The following CDC42BPB variants were observed in gnomAD, a reference collection of about 807,000 sequenced individuals.
The protein encoded by CDC42BPB is CDC42 binding protein kinase beta.
CDC42BPB carries 37 observed loss-of-function variants against 214.9 expected under a neutral mutation model. That is an observed-to-expected ratio of 0.17 (90% CI 0.13 to 0.23). The LOEUF (loss-of-function observed/expected upper bound fraction) is 0.23. Among genes scored for constraint, CDC42BPB ranks in the 10% least tolerant of loss-of-function variants. The pLI is 1.00. For synonymous variants in CDC42BPB, 931 were observed against 884.0 expected (o/e 1.05, Z -0.94); for missense variants, 1,694 against 2,227.0 (o/e 0.76, Z 4.82).
At position 102,971,960 on chromosome 14, in the gene CDC42BPB, T is replaced by C. The variant is rs1380140937; in HGVS notation, c.1843A>G (p.Met615Val). The C allele has an allele frequency of 1.2e-6, 2 of 1,614,148 alleles. No individual in the cohort carries two copies. The highest frequency in any genetic ancestry group is 1.7e-6 in the Non-Finnish European group (2 of 1,180,054). The change falls in exon 13 of 37, where the codon ATG becomes GTG. Residue 615 changes from methionine to valine, a missense_variant. By Grantham distance (21) the Met-to-Val change is conservative (BLOSUM62 1). Transcript: ENST00000361246. ...TCAGCTCTCCGCATTTCCTGCCGCATGGCGTCCACCTTCTGCGTGGCCACC... is the reference window on the plus strand; with the variant it reads ...TCAGCTCTCCGCATTTCCTGCCGCACGGCGTCCACCTTCTGCGTGGCCACC... ...MEVATQKVDA[M>V]RQEMRRAEKL... is the part of the protein sequence containing the mutation.
rs551692557 is a variant in CDC42BPB, at chr14:102,944,720, G to A, written c.3812-233C>T. Reference sequence around the variant, plus strand: ...CACAGCGCGCTCCTGGGGCAGCCTCGGGGGCTGGTCCAAAGGCTCCTCTGC... The same window carrying A: ...CACAGCGCGCTCCTGGGGCAGCCTCAGGGGCTGGTCCAAAGGCTCCTCTGC... On this transcript the variant is annotated intron_variant, in intron 29 of 36. Coordinates refer to ENST00000361246, the MANE Select transcript of CDC42BPB (RefSeq NM_006035.4). The surrounding 1 kb of genome is among the most constrained non-coding windows in gnomAD (Gnocchi z 6.6). 273 of 960,476 alleles carry A rather than the reference G, an allele frequency of 2.8e-4. No individual in the cohort carries two copies. In the African/African-American group the frequency reaches 4.2e-3, roughly 15 times the overall value. 59.5% of individuals were successfully genotyped at this position (960,476 alleles called of 1,614,324 possible).
chr14:102,999,654 T>C lies in CDC42BPB; in HGVS notation c.507A>G (p.Glu169=), dbSNP rs763683901. ...TCGCCATATCTTCCGGAAGCTTGTCTTCAAATTTGCTGAGCAGGGTCAGTA... is the reference window on the plus strand; with the variant it reads ...TCGCCATATCTTCCGGAAGCTTGTCCTCAAATTTGCTGAGCAGGGTCAGTA... ...GDLLTLLSKF[E]DKLPEDMARF... The change falls in exon 5 of 37, where the codon GAA becomes GAG. Residue 169 remains glutamate (E), a synonymous_variant. Coordinates refer to ENST00000361246, the MANE Select transcript of CDC42BPB (RefSeq NM_006035.4). 6.8e-5 allele frequency: 110 copies of C among 1,614,088 alleles called. No homozygotes were observed. The South Asian group carries it at 8.6e-4, about 13-fold the overall frequency.
In CDC42BPB at chr14:103,042,333, G is replaced by A. The variant is rs35414807; in HGVS notation, c.175+14666C>T. Among the ~76,000 whole-genome samples the A allele has an allele frequency of 5.0e-3, 750 of 150,308 alleles. 11 individuals are homozygous for A. The highest frequency in any genetic ancestry group is 0.017 in the African/African-American group (700 of 40,958). ...ACCCAATTTTTTTTTTTTTTGAGAC[G>A]GAGTCTCACTCTGTCACCCAGGCTG... On this transcript the variant is annotated intron_variant, in intron 1 of 36. Coordinates refer to ENST00000361246, the MANE Select transcript of CDC42BPB (RefSeq NM_006035.4).
chr14:103,036,108 G>A (rs909762407), intron 1 of CDC42BPB, among the ~76,000 whole-genome samples: 1 of 151,752 alleles, frequency 6.6e-6, no homozygotes, highest in Non-Finnish European at 1.5e-5. Context: ...CCATGATCAT[G>A]CCACTGTACT....
rs1343046635 is a variant in CDC42BPB at position 102,979,060 on chromosome 14, G to A, written c.1141-855C>T. 1.6e-4 allele frequency among the ~76,000 whole-genome samples: 24 copies of A among 152,092 alleles called. 1 individual carries two copies. The highest frequency in any genetic ancestry group is 1.6e-3 in the Admixed American group (24 of 15,276). Reference sequence around the variant, plus strand: ...TATCTGGGAAATTTCAGTGTGGAAGGAGTTGGAGTCTGGAGTCAGAGTCTA... The same window carrying A: ...TATCTGGGAAATTTCAGTGTGGAAGAAGTTGGAGTCTGGAGTCAGAGTCTA... On this transcript the variant is annotated intron_variant, in intron 8 of 36. Transcript: ENST00000361246.
At chr14:102,985,622 A>C (rs971009938) in intron 6 of CDC42BPB, among the ~76,000 whole-genome samples, 2 of 152,266 alleles carry the variant, frequency 1.3e-5, no homozygotes, top group African/African-American at 4.8e-5. Context: ...TTCTTATAAA[A>C]CGCTGTCAAC....
At chr14:103,032,765 T>C (rs1333422336) in intron 1 of CDC42BPB, among the ~76,000 whole-genome samples, 1 of 151,232 alleles carries the variant, frequency 6.6e-6, no homozygotes, top group Non-Finnish European at 1.5e-5. Context: ...CCTGAGTAGC[T>C]GGGATTACAG....
At chr14:102,964,384 G>A in intron 19 of CDC42BPB, 118 bp downstream of exon 19, 1 of 1,247,954 alleles carries the variant, frequency 8.0e-7, no homozygotes. Flanking sequence ...TAAGGCTCCA[G>A]CAAACGCCGT....
chr14:102,994,700 G>A (rs1387610838), intron 5 of CDC42BPB, among the ~76,000 whole-genome samples: 2 of 152,232 alleles, frequency 1.3e-5, no homozygotes, highest in East Asian at 3.8e-4. Flanking sequence ...CATCCAGCAG[G>A]TGTGGGTGAA....
chr14:102,999,412 G>A (rs1208583067), intron 5 of CDC42BPB, among the ~76,000 whole-genome samples, 153 bp downstream of exon 5: 2 of 152,314 alleles, frequency 1.3e-5, no homozygotes, highest in East Asian at 1.9e-4. Flanking sequence ...GCTGGAAGAC[G>A]GTGATGTGGG....
intron 1 of CDC42BPB, among the ~76,000 whole-genome samples, chr14:103,054,972 ATCT>A: frequency 6.6e-6 from 1 of 152,364 alleles, no homozygotes; most frequent in Non-Finnish European, 1.5e-5. Flanking sequence ...CCTCAGACTA[ATCT>A]TCTAGGTCCC....
In CDC42BPB at chr14:102,963,212, G is replaced by A. The variant is rs929183368; in HGVS notation, c.2727-57C>T. ...CTGAGAAGAGGTTGTCTGTGAGCTG[G>A]TATGGGGCAGGTCAGGATGAGAGAG... On this transcript the variant is annotated intron_variant, in intron 19 of 36. Coordinates refer to ENST00000361246, the MANE Select transcript of CDC42BPB (RefSeq NM_006035.4). 18 of 1,557,024 alleles carry A rather than the reference G, an allele frequency of 1.2e-5. No individual in the cohort carries two copies. In the African/African-American group the frequency reaches 2.0e-4, roughly 18 times the overall value.
intron 28 of CDC42BPB, among the ~76,000 whole-genome samples, chr14:102,945,984 G>A (rs543332068): frequency 8.5e-5 from 13 of 152,168 alleles, no homozygotes; most frequent in African/African-American, 2.4e-4. Context: ...AGGCTTAGCC[G>A]GGGCCAACTG....
At chr14:102,966,682 CTTTT>C (rs1296133713) in intron 17 of CDC42BPB, 8 of 245,256 alleles carry the variant, frequency 3.3e-5, no homozygotes, top group Non-Finnish European at 5.2e-5. Context: ...AATAAAAACT[CTTTT>C]TTTAATTACA....
At chr14:103,019,843 C>T (rs929619989) in intron 1 of CDC42BPB, among the ~76,000 whole-genome samples, 43 of 152,306 alleles carry the variant, frequency 2.8e-4, no homozygotes, top group Middle Eastern at 3.4e-3. Context: ...GTGTAACCAC[C>T]GACAAATATG....
At chr14:102,963,286 T>C (rs1595471167) in intron 19 of CDC42BPB, 131 bp from the exon 20 acceptor site, 3 of 1,392,254 alleles carry the variant, frequency 2.2e-6, no homozygotes, top group East Asian at 2.6e-5. Flanking sequence ...CGGTAGCTCA[T>C]GCTGGGCCTT....
At chr14:103,017,548 C>G (rs1036285927) in intron 1 of CDC42BPB, among the ~76,000 whole-genome samples, 1 of 151,960 alleles carries the variant, frequency 6.6e-6, no homozygotes, top group African/African-American at 2.4e-5. Flanking sequence ...GAGACGCAAC[C>G]GCACATCCCA....
intron 30 of CDC42BPB, chr14:102,941,289 G>A (rs1891878060): frequency 1.0e-6 from 1 of 985,332 alleles, no homozygotes; most frequent in African/African-American, 1.7e-5. Flanking sequence ...CGGAGTTCAA[G>A]GTTAATCCTG....
rs1730924342 is a variant in CDC42BPB at position 102,966,324 on chromosome 14, C to T, written c.2535G>A (p.Glu845=). The change falls in exon 18 of 37, where the codon GAG becomes GAA. Residue 845 remains glutamate (E), a synonymous_variant. Transcript: ENST00000361246. Reference sequence around the variant, plus strand: ...GACTAGAACTCCTCAAAGCCTCGAGCTCTTCGGTCATCTTGGAAGCAAGAG... The same window carrying T: ...GACTAGAACTCCTCAAAGCCTCGAGTTCTTCGGTCATCTTGGAAGCAAGAG... The part of the protein sequence containing the change: ...LQALASKMTE[E]LEALRSSSLG... The T allele has an allele frequency of 1.9e-6, 3 of 1,614,134 alleles. No homozygotes were observed. The highest frequency in any genetic ancestry group is 2.5e-6 in the Non-Finnish European group (3 of 1,179,982).
Sources: gnomAD v4.1 joint callset for allele counts (sites outside exome capture counted in the v4.1 genomes callset) on GRCh38, gnomAD v4.1.1 for gene constraint, Gnocchi (gnomAD v3.1) non-coding constraint, MANE v1.5 for transcripts, NCBI Gene and HGNC (gene_info 2026-07-23, HGNC 2026-07-21) for gene names.